MMRN1: variants seen among roughly 807,000 people sequenced by gnomAD.
MMRN1 encodes the protein multimerin-1.
Under a neutral mutation model 100.7 loss-of-function variants are expected in MMRN1, and 94 were observed. The observed-to-expected ratio is 0.93, with a 90% CI of 0.79 to 1.11. The LOEUF (loss-of-function observed/expected upper bound fraction) is 1.11, where lower values mean the gene tolerates loss of function less well. Ranked by LOEUF, MMRN1 falls within the 50% of genes least tolerant of loss-of-function variation. The pLI is 0.00. For synonymous variants in MMRN1, 575 were observed against 505.0 expected (o/e 1.14, Z -1.86); for missense variants, 1,606 against 1,439.1 (o/e 1.12, Z -1.88).
At chr4:89,903,913 A>G (rs1721472659) in intron 1 of MMRN1, among the ~76,000 whole-genome samples, 1 of 149,902 alleles carries the variant, frequency 6.7e-6, no homozygotes, top group African/African-American at 2.5e-5. Context: ...AAAAAAAAAA[A>G]CTCTAGGCAC....
intron 5 of MMRN1, among the ~76,000 whole-genome samples, chr4:89,932,952 T>C (rs1262504045): frequency 6.6e-6 from 1 of 152,194 alleles, no homozygotes; most frequent in Non-Finnish European, 1.5e-5. Context: ...TTTTCTTTTC[T>C]ATTTCATCAT....
rs1721764501 is a variant in MMRN1, at chr4:89,911,960, A to G, written c.760A>G (p.Asn254Asp). The G allele has an allele frequency of 1.3e-6, 2 of 1,598,544 alleles. No homozygotes were observed. The highest frequency in any genetic ancestry group is 1.3e-5 in the African/African-American group (1 of 74,084). ...ACTCTCTAGATCTCAGAAGATATCC[A>G]ATCCTGTCTATAGGATGCAACATAA... The part of the protein sequence containing the change: ...SCPQRSQKIS[N>D]PVYRMQHKIV... The change falls in exon 3 of 8, where the codon AAT becomes GAT. Residue 254 changes from asparagine (N) to aspartate (D), a missense_variant. By Grantham distance (23) the Asn-to-Asp change is conservative. Coordinates refer to ENST00000264790, the MANE Select transcript of MMRN1 (RefSeq NM_007351.3).
chr4:89,948,150 C>A (rs898078250), intron 6 of MMRN1, among the ~76,000 whole-genome samples: 2 of 152,042 alleles, frequency 1.3e-5, no homozygotes, highest in African/African-American at 4.8e-5. Flanking sequence ...CCGTACCCAG[C>A]CAAAAGTTGA....
chr4:89,911,502 A>G (rs995426986), intron 2 of MMRN1, among the ~76,000 whole-genome samples: 48 of 151,490 alleles, frequency 3.2e-4, no homozygotes, highest in Middle Eastern at 3.4e-3. Flanking sequence ...TAGATCACGA[A>G]TATCCAATTT....
intron 3 of MMRN1, among the ~76,000 whole-genome samples, chr4:89,916,808 A>G (rs148429790): frequency 2.0e-5 from 3 of 151,506 alleles, no homozygotes; most frequent in Middle Eastern, 3.4e-3. Flanking sequence ...ATCACTGTCT[A>G]TTCCCTTTTT....
rs748993757 is a variant in MMRN1 at position 89,895,570 on chromosome 4, C to T, written c.599C>T (p.Ser200Leu). 6.2e-7 allele frequency: 1 copy of T among 1,613,446 alleles called. No individual in the cohort carries two copies. ...AGCCAAAGAACTGACTACCAAAAAT[C>T]AAATTTCGAAACAACTAGAGGAAAG... Reference protein sequence around the residue: ...SSSQRTDYQKSNFETTRGKNW... With the variant: ...SSSQRTDYQKLNFETTRGKNW... Residue 200 changes from serine to leucine, a missense_variant, in exon 1 of 8, where the codon TCA (serine) becomes TTA (leucine). Coordinates refer to ENST00000264790, the MANE Select transcript of MMRN1 (RefSeq NM_007351.3).
Position 89,936,214 on chromosome 4 carries a change from A to G in MMRN1, c.2534A>G (p.Glu845Gly). 1.2e-6 allele frequency: 2 copies of G among 1,606,002 alleles called. No individual in the cohort carries two copies. Among genetic ancestry groups the G allele is most frequent in the Non-Finnish European group, 8.5e-7 (1 of 1,177,826 alleles). ...TACCAGCAAAATATGAGTCATTTGG[A>G]AGAAAAACTACTCTTAACTACCAAG... Reference protein sequence around the residue: ...RKYQQNMSHLEEKLLLTTKIS... With the variant: ...RKYQQNMSHLGEKLLLTTKIS... Residue 845 changes from glutamate to glycine, a missense_variant, in exon 6 of 8, where the codon GAA (glutamate) becomes GGA (glycine). Transcript: ENST00000264790.
chr4:89,884,336 C>T (rs1156894000), intron 1 of MMRN1, among the ~76,000 whole-genome samples: 13 of 152,004 alleles, frequency 8.6e-5, no homozygotes, highest in Admixed American at 5.2e-4. Flanking sequence ...TTGAACTTGG[C>T]ATATTTACTT....
chr4:89,894,712 A>AGGC (rs754283193), upstream of MMRN1: 1 of 348,724 alleles, frequency 2.9e-6, no homozygotes, highest in Non-Finnish European at 5.0e-6. Flanking sequence ...GTGCTTTCCC[A>AGGC]TTTACCCTTA....
At chr4:89,902,744 T>C (rs1721432537) in intron 1 of MMRN1, among the ~76,000 whole-genome samples, 1 of 152,058 alleles carries the variant, frequency 6.6e-6, no homozygotes, top group South Asian at 2.1e-4. Flanking sequence ...AAAGGGTTTC[T>C]TCTTAAAGTC....
At chr4:89,929,199 T>G (rs913354184) in intron 5 of MMRN1, among the ~76,000 whole-genome samples, 15 of 151,772 alleles carry the variant, frequency 9.9e-5, no homozygotes, top group Non-Finnish European at 2.1e-4. Context: ...AGGATTACTG[T>G]TTTTTTTCCT....
chr4:89,911,885 G>T (rs112670182), intron 2 of MMRN1, 59 bp from the exon 3 acceptor site: 1 of 1,170,932 alleles, frequency 8.5e-7, no homozygotes, highest in African/African-American at 1.5e-5. Context: ...TTATTATTCC[G>T]GCTGATAATT....
chr4:89,942,553 T>C (rs1286746927), intron 6 of MMRN1, among the ~76,000 whole-genome samples: 1 of 152,168 alleles, frequency 6.6e-6, no homozygotes, highest in Non-Finnish European at 1.5e-5. Flanking sequence ...AGTTTTTAAT[T>C]GCCAGTTTTA....
chr4:89,891,893 C>T (rs74804948), upstream of MMRN1, among the ~76,000 whole-genome samples: 3,894 of 151,980 alleles, frequency 0.026, 86 homozygotes, highest in Non-Finnish European at 0.04. Context: ...GCCCATACCC[C>T]CAACATTTTA....
At chr4:89,884,191 T>C (rs1247651402) in intron 1 of MMRN1, among the ~76,000 whole-genome samples, 2 of 152,132 alleles carry the variant, frequency 1.3e-5, no homozygotes, top group Non-Finnish European at 2.9e-5. Context: ...TTAGATCCAA[T>C]GTGTTTCTTT....
rs544084103 is a variant in MMRN1 at position 89,885,944 on chromosome 4, C to T, written c.-249+6342C>T. Among the ~76,000 whole-genome samples, 35 of 151,660 alleles carry T rather than the reference C, an allele frequency of 2.3e-4. No individual in the cohort carries two copies. In the South Asian group the frequency reaches 7.1e-3, roughly 31 times the overall value. ...CTACTAACTTTGGGAAAATTTTGAT[C>T]TTTTTTACCTATTACTTAAAATGGA... On this transcript the variant is annotated intron_variant, in intron 1 of 8. Transcript: ENST00000394980.
At chr4:89,906,785 GTTC>G (rs1721577809) in intron 1 of MMRN1, among the ~76,000 whole-genome samples, 1 of 151,408 alleles carries the variant, frequency 6.6e-6, no homozygotes, top group African/African-American at 2.4e-5. Context: ...GCTGTGGATA[GTTC>G]TTCTAATTTA....
chr4:89,941,964 G>A (rs958929813), intron 6 of MMRN1, among the ~76,000 whole-genome samples: 5 of 152,118 alleles, frequency 3.3e-5, no homozygotes, highest in African/African-American at 1.2e-4. Context: ...ATGGAAGAAT[G>A]ATGACAGCTA....
At chr4:89,929,960 G>T (rs115818810) in intron 5 of MMRN1, among the ~76,000 whole-genome samples, 15 of 152,174 alleles carry the variant, frequency 9.9e-5, no homozygotes, top group Non-Finnish European at 2.1e-4. Context: ...TACCTTAAGA[G>T]GTACCTAAAT....
Sources: allele counts gnomAD v4.1 joint callset (sites outside exome capture counted in the v4.1 genomes callset), GRCh38; gene constraint gnomAD v4.1.1; transcripts MANE v1.5; gene names NCBI Gene and HGNC (gene_info 2026-07-23, HGNC 2026-07-21).